Variants in P3H2 observed in about 807,000 individuals in gnomAD.
The protein encoded by P3H2 is prolyl 3-hydroxylase 2.
P3H2 carries 80 observed loss-of-function variants against 87.0 expected under a neutral mutation model. The ratio of observed to expected loss-of-function variants is 0.92; its 90% CI spans 0.77 to 1.11. The LOEUF (loss-of-function observed/expected upper bound fraction) is 1.11, where lower values mean the gene tolerates loss of function less well. Among genes scored for constraint, P3H2 ranks in the 50% least tolerant of loss-of-function variants. The pLI is 0.00. For synonymous variants in P3H2, 367 were observed against 359.3 expected, an observed-to-expected ratio of 1.02 and a Z score of -0.24; for missense variants, 1,001 against 923.9, an observed-to-expected ratio of 1.08 and a Z score of -1.08.
intron 1 of P3H2, among the ~76,000 whole-genome samples, chr3:190,060,040 A>T (rs1055521311): frequency 1.3e-5 from 2 of 152,196 alleles, no homozygotes; most frequent in Non-Finnish European, 2.9e-5. Flanking sequence ...TATCTAAGAC[A>T]CTTAATGTAA....
intron 1 of P3H2, among the ~76,000 whole-genome samples, chr3:189,997,162 T>C (rs1435047560): frequency 2.6e-5 from 4 of 152,166 alleles, no homozygotes; most frequent in East Asian, 1.9e-4. Context: ...GCTGGGACTA[T>C]GGGCACACAC....
intron 1 of P3H2, among the ~76,000 whole-genome samples, chr3:190,028,081 G>A (rs1427087989): frequency 6.6e-6 from 1 of 151,814 alleles, no homozygotes; most frequent in Non-Finnish European, 1.5e-5. Flanking sequence ...TTCTATTCCT[G>A]TCAATAAGTT....
At chr3:190,087,380 C>CAAAA (rs1264659262) in intron 1 of P3H2, among the ~76,000 whole-genome samples, 13 of 145,052 alleles carry the variant, frequency 9.0e-5, no homozygotes, top group African/African-American at 2.8e-4. Context: ...ACTAAAAATA[C>CAAAA]AAAAAAAAAA....
chr3:190,079,776 C>T (rs114910231), intron 1 of P3H2, among the ~76,000 whole-genome samples: 1 of 152,194 alleles, frequency 6.6e-6, no homozygotes, highest in African/African-American at 2.4e-5. Context: ...TGGTGAGAAC[C>T]TTTACCTCAA....
At chr3:190,068,911 G>C (rs893252520) in intron 1 of P3H2, among the ~76,000 whole-genome samples, 1 of 152,018 alleles carries the variant, frequency 6.6e-6, no homozygotes, top group African/African-American at 2.4e-5. Context: ...ATACAAAAAA[G>C]AGAACAATCA....
intron 1 of P3H2, among the ~76,000 whole-genome samples, chr3:190,048,026 G>C (rs908839051): frequency 1.3e-5 from 2 of 152,290 alleles, no homozygotes; most frequent in Non-Finnish European, 1.5e-5. Context: ...TTTGAGAGAA[G>C]TGGCTGTCAC....
At chr3:190,111,741 G>A (rs1712077263) in intron 1 of P3H2, among the ~76,000 whole-genome samples, 1 of 152,114 alleles carries the variant, frequency 6.6e-6, no homozygotes, top group Non-Finnish European at 1.5e-5. Flanking sequence ...TCTTTCTTAT[G>A]AGGTTTCAAA....
intron 1 of P3H2, among the ~76,000 whole-genome samples, chr3:189,997,721 T>C (rs1413349371): frequency 6.6e-6 from 1 of 152,200 alleles, no homozygotes; most frequent in African/African-American, 2.4e-5. Context: ...CACTTTTACC[T>C]TTGTCCTCAA....
chr3:190,034,294 G>A (rs1196446995), intron 1 of P3H2, among the ~76,000 whole-genome samples: 1 of 152,134 alleles, frequency 6.6e-6, no homozygotes, highest in African/African-American at 2.4e-5. Context: ...GATGACAGCT[G>A]GACTTGCACT....
chr3:189,981,055 T>C (rs566891799), intron 8 of P3H2, among the ~76,000 whole-genome samples: 29 of 152,352 alleles, frequency 1.9e-4, no homozygotes, highest in African/African-American at 6.7e-4. Context: ...ATGGAGGGCA[T>C]GGAAGCTCCT....
Position 190,033,861 on chromosome 3 carries a change from G to A in P3H2, c.481-38419C>T, listed in dbSNP as rs797011044. Among the ~76,000 whole-genome samples the A allele has an allele frequency of 2.6e-5, 4 of 152,234 alleles. No individual in the cohort carries two copies. The South Asian group carries it at 8.3e-4, about 32-fold the overall frequency. On this transcript the variant is annotated intron_variant, in intron 1 of 14. Coordinates refer to ENST00000319332, the MANE Select transcript of P3H2 (RefSeq NM_018192.4). Reference sequence around the variant, plus strand: ...AAATGGATGATATTCATATCCTATTGCTCAGGGTAAGACAATCTCCTCTTT... The same window carrying A: ...AAATGGATGATATTCATATCCTATTACTCAGGGTAAGACAATCTCCTCTTT...
intron 1 of P3H2, among the ~76,000 whole-genome samples, chr3:190,054,703 C>T (rs1726094321): frequency 6.6e-6 from 1 of 152,124 alleles, no homozygotes; most frequent in Non-Finnish European, 1.5e-5. Context: ...TCATCCACAC[C>T]TTGTATCCCT....
At chr3:189,965,272 TC>T (rs1722940215) in intron 13 of P3H2, among the ~76,000 whole-genome samples, 2 of 152,176 alleles carry the variant, frequency 1.3e-5, no homozygotes, top group South Asian at 4.1e-4. Flanking sequence ...ACATAGGTAC[TC>T]CCGGACTACG....
At chr3:190,022,880 G>A (rs1310859033) in intron 1 of P3H2, among the ~76,000 whole-genome samples, 2 of 152,070 alleles carry the variant, frequency 1.3e-5, no homozygotes, top group Non-Finnish European at 2.9e-5. Context: ...AGGCCCGAGT[G>A]CAGTGGCGCG....
chr3:190,034,393 G>A (rs6795403), intron 1 of P3H2, among the ~76,000 whole-genome samples: 32,576 of 152,122 alleles, frequency 0.21, 5,572 homozygotes, highest in African/African-American at 0.48. Context: ...TTTGGACATT[G>A]AGTTTCACAA....
Position 189,963,918 on chromosome 3 carries a change from A to G in P3H2, c.2034+40T>C, listed in dbSNP as rs373479454. 4.3e-6 allele frequency: 7 copies of G among 1,612,838 alleles called. No individual in the cohort carries two copies. The Admixed American group carries it at 1.0e-4, about 23-fold the overall frequency. ...ACTTCTCAGATAAAGCAGTTCATGAAGCAAGCCTAATTGGCTTTCTGGGCG... is the reference window on the plus strand; with the variant it reads ...ACTTCTCAGATAAAGCAGTTCATGAGGCAAGCCTAATTGGCTTTCTGGGCG... On this transcript the variant is annotated intron_variant, in intron 14 of 14. Transcript: ENST00000319332.
At chr3:190,039,597 G>A (rs558531347) in intron 1 of P3H2, among the ~76,000 whole-genome samples, 2 of 152,280 alleles carry the variant, frequency 1.3e-5, no homozygotes, top group East Asian at 1.9e-4. Context: ...AGGGAACCAG[G>A]GATATAAAGA....
intron 1 of P3H2, among the ~76,000 whole-genome samples, chr3:190,043,491 G>A (rs1725705289): frequency 6.6e-6 from 1 of 152,128 alleles, no homozygotes; most frequent in Non-Finnish European, 1.5e-5. Context: ...GCAGAGTGCA[G>A]GTCACCCGTG....
chr3:190,020,832 C>A lies in P3H2; in HGVS notation c.481-25390G>T, dbSNP rs144765754. Among the ~76,000 whole-genome samples, 660 of 133,600 alleles carry A rather than the reference C, an allele frequency of 4.9e-3. 88 individuals carry two copies. The highest frequency in any genetic ancestry group is 0.016 in the African/African-American group (630 of 38,650). The allele number at this position is 133,600 out of a possible 152,430, so 87.6% of individuals were successfully genotyped here. A position where few individuals can be genotyped will look rare whatever the true frequency, so the allele number is the denominator to read the frequency against. The stretch of plus-strand genomic sequence containing the variant: ...GGAGTCCTTTTCCAAGGAGAGGTGG[C>A]ATCTGTCAAAAATGTCAAACAAAAG... On this transcript the variant is annotated intron_variant, in intron 1 of 14. Coordinates refer to ENST00000319332, the MANE Select transcript of P3H2 (RefSeq NM_018192.4).
Sources: gnomAD v4.1 joint callset for allele counts (sites outside exome capture counted in the v4.1 genomes callset) on GRCh38, gnomAD v4.1.1 for gene constraint, MANE v1.5 for transcripts, NCBI Gene and HGNC (gene_info 2026-07-23, HGNC 2026-07-21) for gene names.